The following ZNF443 variants were observed in gnomAD, a reference collection of about 807,000 sequenced individuals.
ZNF443 encodes zinc finger protein 443, also known as Kruppel-type zinc finger (C2H2).
A neutral mutation model predicts 12.0 loss-of-function variants in ZNF443; 3 were observed. The observed-to-expected ratio is 0.25, with a 90% CI of 0.11 to 0.64. ZNF443 has a LOEUF of 0.64. Among genes scored for constraint, ZNF443 ranks in the 30% least tolerant of loss-of-function variants. ZNF443 has a pLI of 0.84. For missense variants in ZNF443, 770 were observed against 808.8 expected (o/e 0.95, Z 0.58); for synonymous variants, 225 against 265.9 (o/e 0.85, Z 1.50).
Position 12,431,105 on chromosome 19 carries a change from A to T in ZNF443, c.1067T>A (p.Met356Lys). 1.9e-6 allele frequency: 3 copies of T among 1,613,672 alleles called. No individual in the cohort carries two copies. Among genetic ancestry groups the T allele is most frequent in the Non-Finnish European group, 2.5e-6 (3 of 1,179,946 alleles). Residue 356 changes from methionine (M) to lysine (K), a missense_variant, in exon 4 of 4, where the codon ATG becomes AAG. Coordinates refer to ENST00000301547, the MANE Select transcript of ZNF443 (RefSeq NM_005815.5). Reference protein sequence around the residue: ...FHHLGSFQRHMIRHTGNGPHK... With the variant: ...FHHLGSFQRHKIRHTGNGPHK... Reference sequence around the variant, plus strand: ...AGGTCCATTTCCAGTGTGCCTTATCATGTGTCTTTGAAAGCTTCCCAGATG... The same window carrying T: ...AGGTCCATTTCCAGTGTGCCTTATCTTGTGTCTTTGAAAGCTTCCCAGATG...
Position 12,431,600 on chromosome 19 carries a change from T to C in ZNF443, c.572A>G (p.Gln191Arg). 6.2e-7 allele frequency: 1 copy of C among 1,614,186 alleles called. No individual in the cohort carries two copies. Among genetic ancestry groups the C allele is most frequent in the Non-Finnish European group, 8.5e-7 (1 of 1,180,004 alleles). The change falls in exon 4 of 4, where the codon CAG (glutamine) becomes CGG (arginine). Residue 191 changes from glutamine (Q) to arginine (R), a missense_variant. Around this residue, in one of 3 missense-constraint regions of ZNF443, gnomAD observed 736 missense variants for 689.4 expected, o/e 1.07. Transcript: ENST00000301547. ...LGNLQRHMAVQRGDGPYKCKL... is the reference protein window; with the variant it reads ...LGNLQRHMAVRRGDGPYKCKL... ...ACATTTATAAGGTCCATCTCCACGC[T>C]GCACTGCCATGTGTCTTTGAAGGTT... is the stretch of plus-strand genomic sequence containing the variant.
chr19:12,436,912 G>A (rs1970316731), intron 1 of ZNF443, among the ~76,000 whole-genome samples: 1 of 150,130 alleles, frequency 6.7e-6, no homozygotes. Flanking sequence ...CAATGTATTG[G>A]GTGGTTATAG....
At chr19:12,440,835 G>A (rs1599624166) in intron 1 of ZNF443, 77 bp downstream of exon 1, 5 of 1,611,646 alleles carry the variant, frequency 3.1e-6, no homozygotes, top group Non-Finnish European at 4.2e-6. Context: ...GGGGAGGCCC[G>A]GGTCCAGCCA....
In ZNF443 at chr19:12,440,973, C is replaced by A; in HGVS notation, c.-59G>T. 6.2e-7 allele frequency: 1 copy of A among 1,613,640 alleles called. No individual in the cohort carries two copies. The highest frequency in any genetic ancestry group is 8.5e-7 in the Non-Finnish European group (1 of 1,179,694). On this transcript the variant is annotated 5_prime_UTR_variant, in exon 1 of 4. Transcript: ENST00000301547. ...ACAGCTCCCGCTGCCAATGCGTGTT[C>A]CAGCCAGACAAAGGCTGCCTCAGAA... is the stretch of plus-strand genomic sequence containing the variant.
In ZNF443 at chr19:12,430,702, G is replaced by A. The variant is rs1422419126; in HGVS notation, c.1470C>T (p.Ser490=). The change falls in exon 4 of 4, where the codon TCC becomes TCT. Residue 490 remains serine, a synonymous_variant. Coordinates refer to ENST00000301547, the MANE Select transcript of ZNF443 (RefSeq NM_005815.5). ...TGTGAGTTGTTTTGTGATTTTGAAA[G>A]GAACAGAAATCAATACAGGCTTTCC... The part of the protein sequence containing the change: ...KLGKACIDFC[S]FQNHKTTHTG... 1 of 1,612,912 alleles carries A rather than the reference G, an allele frequency of 6.2e-7. No individual in the cohort carries two copies.
chr19:12,432,345 G>T, intron 3 of ZNF443, 32 bp downstream of exon 3: 1 of 1,517,130 alleles, frequency 6.6e-7, no homozygotes, highest in Admixed American at 1.8e-5. Flanking sequence ...ACGGCTCCAG[G>T]GACATATCTT....
In ZNF443 at chr19:12,429,873, T is replaced by C. The variant is rs1970230375; in HGVS notation, c.*283A>G. On this transcript the variant is annotated 3_prime_UTR_variant, in exon 4 of 4. Coordinates refer to ENST00000301547, the MANE Select transcript of ZNF443 (RefSeq NM_005815.5). ...CATAGCTTTTATAATGCATGAGGTA[T>C]TTTAAGTAATCTAGACATAATTGAG... 3.7e-6 allele frequency: 2 copies of C among 536,218 alleles called. No homozygotes were observed. Among genetic ancestry groups the C allele is most frequent in the Non-Finnish European group, 6.5e-6 (2 of 306,114 alleles). 33.2% of individuals were successfully genotyped at this position (536,218 alleles called of 1,614,324 possible).
chr19:12,440,295 G>C (rs1970352103), intron 1 of ZNF443, among the ~76,000 whole-genome samples: 1 of 151,648 alleles, frequency 6.6e-6, no homozygotes, highest in African/African-American at 2.4e-5. Context: ...CTGACCGCCG[G>C]CTTCCCCATT....
Position 12,430,693 on chromosome 19 carries a change from AT to A in ZNF443, c.1478del (p.Asn493IlefsTer55), listed in dbSNP as rs1970240927. 1.2e-6 allele frequency: 2 copies of A among 1,613,018 alleles called. No homozygotes were observed. The highest frequency in any genetic ancestry group is 4.5e-5 in the East Asian group (2 of 44,802). On this transcript the variant is annotated frameshift_variant, in exon 4 of 4. Transcript: ENST00000301547. LOFTEE classifies it low-confidence loss of function (END_TRUNC). ...KACIDFCSFQ[N>X]HKTTHTGEKP... ...TCTCTCCAGTGTGAGTTGTTTTGTG[AT>A]TTTGAAAGGAACAGAAATCAATACA...
At chr19:12,440,170 T>C (rs890376473) in intron 1 of ZNF443, among the ~76,000 whole-genome samples, 4 of 150,848 alleles carry the variant, frequency 2.7e-5, no homozygotes, top group African/African-American at 9.8e-5. Context: ...CCTCACCGGG[T>C]TCACAGGAAC....
chr19:12,440,926 C>A lies in ZNF443; in HGVS notation c.-12G>T, dbSNP rs1489564181. ...AGCACACGCACCATTTCCCGACTTC[C>A]GCGGTGTCCCAGGTCCTACCGACAG... On this transcript the variant is annotated 5_prime_UTR_variant, in exon 1 of 4. Coordinates refer to ENST00000301547, the MANE Select transcript of ZNF443 (RefSeq NM_005815.5). 1.9e-6 allele frequency: 3 copies of A among 1,614,002 alleles called. No homozygotes were observed. Among genetic ancestry groups the A allele is most frequent in the Non-Finnish European group, 2.5e-6 (3 of 1,179,996 alleles).
At chr19:12,435,224 C>A (rs1244650394) in intron 1 of ZNF443, among the ~76,000 whole-genome samples, 1 of 152,172 alleles carries the variant, frequency 6.6e-6, no homozygotes, top group Non-Finnish European at 1.5e-5. Flanking sequence ...GATCCGCCTG[C>A]CTTAGCCTCC....
At chr19:12,432,773 TTC>T (rs1256388626) in intron 2 of ZNF443, among the ~76,000 whole-genome samples, 16 of 148,342 alleles carry the variant, frequency 1.1e-4, no homozygotes, top group South Asian at 2.3e-4. Context: ...TTTTAACACT[TTC>T]TGTTTCTAGC....
At position 12,431,021 on chromosome 19, in the gene ZNF443, T is replaced by C. The variant is rs1317888196; in HGVS notation, c.1151A>G (p.Glu384Gly). ...GGGTTTCTCTCCAGTGTGAGTTCTTTCATGACTTTGCAGTGAACTAGGACA... is the reference window on the plus strand; with the variant it reads ...GGGTTTCTCTCCAGTGTGAGTTCTTCCATGACTTTGCAGTGAACTAGGACA... ...FDCPSSLQSH[E>G]RTHTGEKPYE... The change falls in exon 4 of 4, where the codon GAA becomes GGA. Residue 384 changes from glutamate (E) to glycine (G), a missense_variant. Physicochemically the swap from Glu to Gly is moderately conservative, Grantham distance 98. Transcript: ENST00000301547. 4 of 1,614,150 alleles carry C rather than the reference T, an allele frequency of 2.5e-6. No individual in the cohort carries two copies. Among genetic ancestry groups the C allele is most frequent in the Non-Finnish European group, 2.5e-6 (3 of 1,179,984 alleles).
At position 12,431,053 on chromosome 19, in the gene ZNF443, G is replaced by A; in HGVS notation, c.1119C>T (p.Gly373=). The A allele has an allele frequency of 6.2e-7, 1 of 1,614,050 alleles. No homozygotes were observed. ...GPHKCKICGK[G]FDCPSSLQSH... Reference sequence around the variant, plus strand: ...TTTGCAGTGAACTAGGACAATCAAAGCCTTTCCCACATATCTTACATTTAT... The same window carrying A: ...TTTGCAGTGAACTAGGACAATCAAAACCTTTCCCACATATCTTACATTTAT... The change falls in exon 4 of 4, where the codon GGC becomes GGT. Residue 373 remains glycine, a synonymous_variant. Coordinates refer to ENST00000301547, the MANE Select transcript of ZNF443 (RefSeq NM_005815.5).
At chr19:12,438,458 C>T (rs955021775) in intron 1 of ZNF443, among the ~76,000 whole-genome samples, 1 of 152,172 alleles carries the variant, frequency 6.6e-6, no homozygotes, top group African/African-American at 2.4e-5. Context: ...ATTTAGCATT[C>T]ATCTGTCAGA....
At chr19:12,439,099 C>G (rs1037266787) in intron 1 of ZNF443, among the ~76,000 whole-genome samples, 2 of 152,048 alleles carry the variant, frequency 1.3e-5, no homozygotes, top group African/African-American at 2.4e-5. Context: ...CACTCACCAC[C>G]CTCCTAGGAG....
intron 1 of ZNF443, among the ~76,000 whole-genome samples, chr19:12,437,876 G>C (rs1432463410): frequency 6.6e-6 from 1 of 151,732 alleles, no homozygotes; most frequent in Non-Finnish European, 1.5e-5. Flanking sequence ...TGGATTGCCC[G>C]AGGTCAGGAG....
intron 1 of ZNF443, among the ~76,000 whole-genome samples, chr19:12,435,324 A>T (rs971759803): frequency 1.3e-5 from 2 of 152,082 alleles, no homozygotes; most frequent in South Asian, 2.1e-4. Context: ...TCAGGGTCCA[A>T]TTTGGCAGGA....
Sources: allele counts gnomAD v4.1 joint callset (sites outside exome capture counted in the v4.1 genomes callset), GRCh38; gene constraint gnomAD v4.1.1; regional missense constraint gnomAD v4.1.1; transcripts MANE v1.5; gene names NCBI Gene and HGNC (gene_info 2026-07-23, HGNC 2026-07-21).